CHCHD3: variants seen among roughly 807,000 people sequenced by gnomAD.
CHCHD3 encodes MICOS complex subunit MIC19.
In CHCHD3, 20 loss-of-function variants were observed where a neutral mutation model predicts 38.2. The ratio of observed to expected loss-of-function variants is 0.52; its 90% confidence interval spans 0.37 to 0.76. The LOEUF (loss-of-function observed/expected upper bound fraction) is 0.76, where lower values mean the gene tolerates loss of function less well. CHCHD3 is among the 30% of genes least tolerant of loss of function. CHCHD3 has a pLI of 0.00. For synonymous variants in CHCHD3, 82 were observed against 100.0 expected, an observed-to-expected ratio of 0.82 and a Z score of 1.07; for missense variants, 245 against 279.2, an observed-to-expected ratio of 0.88 and a Z score of 0.87.
At chr7:132,990,142 C>T (rs1812235657) in intron 3 of CHCHD3, among the ~76,000 whole-genome samples, 1 of 152,116 alleles carries the variant, frequency 6.6e-6, no homozygotes, top group Non-Finnish European at 1.5e-5. Flanking sequence ...CATTGCACTC[C>T]AACCTGGGAG....
intron 3 of CHCHD3, among the ~76,000 whole-genome samples, chr7:133,017,792 TAAAAC>T (rs971181956): frequency 6.6e-6 from 1 of 152,018 alleles, no homozygotes; most frequent in Admixed American, 6.6e-5. Context: ...AAAAAAGAAA[TAAAAC>T]AATAAGAATA....
At position 132,815,598 on chromosome 7, in the gene CHCHD3, T is replaced by C. The variant is rs189711590; in HGVS notation, c.525-19021A>G. 2.2e-3 allele frequency: 1,003 copies of C among 456,130 alleles called. 2 individuals are homozygous for C. Among genetic ancestry groups the C allele is most frequent in the Non-Finnish European group, 3.6e-3 (806 of 226,766 alleles). The allele number at this position is 456,130 out of a possible 1,614,324, so 28.3% of individuals were successfully genotyped here. On this transcript the variant is annotated intron_variant, in intron 6 of 7. Coordinates refer to ENST00000262570, the MANE Select transcript of CHCHD3 (RefSeq NM_017812.4). ...GGACAAGAGGTAACAAAATAAAGAG[T>C]CCTGTTTTGTGATATTTCATTTCAC...
chr7:132,870,306 C>T (rs913122087), intron 5 of CHCHD3, among the ~76,000 whole-genome samples: 6 of 147,326 alleles, frequency 4.1e-5, no homozygotes, highest in Middle Eastern at 3.2e-3. Context: ...ACAGAGATCA[C>T]GCCACTGTAC....
At chr7:132,848,472 C>T (rs1343968683) in intron 5 of CHCHD3, among the ~76,000 whole-genome samples, 2 of 152,182 alleles carry the variant, frequency 1.3e-5, no homozygotes, top group Non-Finnish European at 2.9e-5. Flanking sequence ...CAGTTATTTA[C>T]TCAGTGGCAT....
chr7:132,984,948 G>A, intron 3 of CHCHD3, among the ~76,000 whole-genome samples: 1 of 77,478 alleles, frequency 1.3e-5, no homozygotes. Flanking sequence ...GGAGGTGAGG[G>A]GCGCCTCTGC....
chr7:133,024,774 C>A (rs1813290320), intron 2 of CHCHD3, 147 bp from the exon 3 acceptor site: 1 of 641,942 alleles, frequency 1.6e-6, no homozygotes. Context: ...ACTTCTCAAG[C>A]ACTGTGGAAA....
chr7:133,055,839 A>G (rs1287173954), intron 2 of CHCHD3, among the ~76,000 whole-genome samples: 1 of 151,982 alleles, frequency 6.6e-6, no homozygotes, highest in African/African-American at 2.4e-5. Flanking sequence ...TTAATTAAAA[A>G]TAGTATAAAG....
intron 6 of CHCHD3, among the ~76,000 whole-genome samples, chr7:132,812,569 T>C (rs561430652): frequency 6.6e-6 from 1 of 152,216 alleles, no homozygotes; most frequent in East Asian, 1.9e-4. Flanking sequence ...CATAACCACT[T>C]GCCTGGACTA....
intron 5 of CHCHD3, among the ~76,000 whole-genome samples, chr7:132,853,884 A>T (rs946048263): frequency 1.3e-5 from 2 of 152,200 alleles, no homozygotes; most frequent in African/African-American, 4.8e-5. Context: ...GGGGAGTAGG[A>T]CAGGGAAGGG....
chr7:133,024,657 A>C, intron 2 of CHCHD3, 30 bp from the exon 3 acceptor site: 1 of 1,468,658 alleles, frequency 6.8e-7, no homozygotes, highest in Non-Finnish European at 9.5e-7. Flanking sequence ...GAAGGAGATA[A>C]AATAGGTGAC....
intron 2 of CHCHD3, among the ~76,000 whole-genome samples, chr7:133,048,375 T>C (rs1681639902): frequency 6.6e-6 from 1 of 152,140 alleles, no homozygotes; most frequent in Admixed American, 6.5e-5. Context: ...AATATAACTA[T>C]ACAAAACTGA....
At chr7:133,076,167 T>C (rs1018612897) in intron 1 of CHCHD3, among the ~76,000 whole-genome samples, 2 of 152,054 alleles carry the variant, frequency 1.3e-5, no homozygotes, top group Admixed American at 6.6e-5. Context: ...CCTATACCTA[T>C]TATACTTGCT....
At chr7:132,961,031 C>A (rs1051970148) in intron 4 of CHCHD3, among the ~76,000 whole-genome samples, 5 of 152,100 alleles carry the variant, frequency 3.3e-5, no homozygotes, top group African/African-American at 1.2e-4. Flanking sequence ...GTCATCCCAG[C>A]ACTTTGGGAG....
chr7:132,985,310 C>T (rs1172118895), intron 3 of CHCHD3, among the ~76,000 whole-genome samples: 6 of 66,542 alleles, frequency 9.0e-5, no homozygotes, highest in South Asian at 4.9e-4. Context: ...CGCCTCTGCC[C>T]GGCCGCCCCT....
intron 1 of CHCHD3, among the ~76,000 whole-genome samples, chr7:133,071,361 G>A (rs139095012): frequency 3.0e-3 from 454 of 152,304 alleles, no homozygotes; most frequent in African/African-American, 9.7e-3. Flanking sequence ...TAGAGAGAGG[G>A]CATAGTGAAA....
At chr7:132,852,107 A>C (rs909404244) in intron 5 of CHCHD3, among the ~76,000 whole-genome samples, 3 of 152,200 alleles carry the variant, frequency 2.0e-5, no homozygotes, top group Non-Finnish European at 2.9e-5. Flanking sequence ...ATTCATTCAT[A>C]ATTTTATATT....
At position 132,849,959 on chromosome 7, in the gene CHCHD3, T is replaced by C. The variant is rs116024111; in HGVS notation, c.454-11490A>G. Among the ~76,000 whole-genome samples, 1,220 of 151,350 alleles carry C rather than the reference T, an allele frequency of 8.1e-3. 20 individuals are homozygous for C. Among genetic ancestry groups the C allele is most frequent in the African/African-American group, 0.028 (1,160 of 41,366 alleles). On this transcript the variant is annotated intron_variant, in intron 5 of 7. Coordinates refer to ENST00000262570, the MANE Select transcript of CHCHD3 (RefSeq NM_017812.4). ...TTTATTAAACAAGAAAAAAATCTAC[T>C]TCTTATGTCAGCCATTCTATTTTTA... is the stretch of plus-strand genomic sequence containing the variant.
At chr7:132,811,669 G>C (rs1807073112) in intron 6 of CHCHD3, among the ~76,000 whole-genome samples, 1 of 152,182 alleles carries the variant, frequency 6.6e-6, no homozygotes, top group Non-Finnish European at 1.5e-5. Flanking sequence ...ACATCTTATA[G>C]GACCCGATCA....
chr7:132,791,789 C>T (rs531052667), intron 7 of CHCHD3, among the ~76,000 whole-genome samples: 18 of 152,226 alleles, frequency 1.2e-4, no homozygotes, highest in South Asian at 6.2e-4. Flanking sequence ...ATTTTAGAAA[C>T]GAGACAACGG....
Sources: allele counts gnomAD v4.1 joint callset (sites outside exome capture counted in the v4.1 genomes callset), GRCh38; gene constraint gnomAD v4.1.1; transcripts MANE v1.5; gene names NCBI Gene and HGNC (gene_info 2026-07-23, HGNC 2026-07-21).